Variants in SCAPER observed in about 807,000 individuals in gnomAD.
SCAPER encodes the protein S phase cyclin A-associated protein in the endoplasmic reticulum.
A neutral mutation model predicts 182.2 loss-of-function variants in SCAPER; 98 were observed. That is an observed-to-expected ratio of 0.54 (90% CI 0.46 to 0.64). The LOEUF (loss-of-function observed/expected upper bound fraction) is 0.64, where lower values mean the gene tolerates loss of function less well. Ranked by LOEUF, SCAPER falls within the 30% of genes least tolerant of loss-of-function variation. The pLI, the probability that SCAPER is intolerant of heterozygous loss-of-function variation, is 0.00. For missense variants in SCAPER, 1,432 were observed against 1,690.0 expected (o/e 0.85, Z 2.68); for synonymous variants, 605 against 564.6 (o/e 1.07, Z -1.01).
intron 27 of SCAPER, among the ~76,000 whole-genome samples, chr15:76,389,778 T>A (rs1432645518): frequency 3.7e-5 from 5 of 136,984 alleles, no homozygotes; most frequent in African/African-American, 1.4e-4. Context: ...GATGCGCCAC[T>A]GCACTCTAGC....
chr15:76,562,375 G>A (rs1368205083), intron 23 of SCAPER, among the ~76,000 whole-genome samples: 2 of 152,070 alleles, frequency 1.3e-5, no homozygotes. Context: ...AATAACAGGA[G>A]TAGATATGTT....
At chr15:76,603,009 G>T in intron 22 of SCAPER, among the ~76,000 whole-genome samples, 1 of 84,086 alleles carries the variant, frequency 1.2e-5, no homozygotes, top group African/African-American at 3.4e-5. Context: ...ATCCTCAATA[G>T]TTTTTATTTT....
At chr15:76,729,687 A>T (rs984877571) in intron 16 of SCAPER, among the ~76,000 whole-genome samples, 3 of 152,132 alleles carry the variant, frequency 2.0e-5, no homozygotes, top group African/African-American at 7.2e-5. Context: ...CTAGAAGATA[A>T]ATAATAATAT....
chr15:76,388,205 G>A (rs2043414253), intron 27 of SCAPER, among the ~76,000 whole-genome samples: 1 of 152,206 alleles, frequency 6.6e-6, no homozygotes, highest in Non-Finnish European at 1.5e-5. Context: ...AGAACTGAAG[G>A]ACACAAAGGC....
At chr15:76,498,535 C>A (rs1222303071) in intron 24 of SCAPER, 2 of 152,180 alleles carry the variant, frequency 1.3e-5, no homozygotes, top group Admixed American at 1.3e-4. Flanking sequence ...AGAATAAACA[C>A]TCTTTTAAAG....
chr15:76,800,254 T>C lies in SCAPER; in HGVS notation c.605A>G (p.Asn202Ser). 6.2e-7 allele frequency: 1 copy of C among 1,603,924 alleles called. No individual in the cohort carries two copies. The highest frequency in any genetic ancestry group is 8.5e-7 in the Non-Finnish European group (1 of 1,172,098). Residue 202 changes from asparagine to serine, a missense_variant, in exon 7 of 32, where the codon AAT (asparagine) becomes AGT (serine). Physicochemically the swap from Asn to Ser is conservative, Grantham distance 46 (BLOSUM62 1). This residue lies in a region of SCAPER where 480 missense variants were observed against 510.2 expected (regional missense o/e 0.94). Transcript: ENST00000563290. ...TTTTCTTAGTTCATCTCACCCAAAA[T>C]TTAAGCTTCGTCGAGCATTTGATGT... ...NVTSNARRSLNFGGSTGTVPA... is the reference protein window; with the variant it reads ...NVTSNARRSLSFGGSTGTVPA...
intron 26 of SCAPER, among the ~76,000 whole-genome samples, chr15:76,421,373 G>A (rs1326819294): frequency 6.6e-6 from 1 of 152,216 alleles, no homozygotes; most frequent in African/African-American, 2.4e-5. Context: ...GATGGCCAGT[G>A]ATGATGAGCA....
intron 17 of SCAPER, among the ~76,000 whole-genome samples, chr15:76,724,693 T>TACCCTTTC: frequency 6.6e-6 from 1 of 152,332 alleles, no homozygotes; most frequent in East Asian, 1.9e-4. Flanking sequence ...CCATCACTGA[T>TACCCTTTC]ACCCTTTCTT....
At chr15:76,579,986 T>C (rs2048148770) in intron 22 of SCAPER, among the ~76,000 whole-genome samples, 1 of 152,172 alleles carries the variant, frequency 6.6e-6, no homozygotes, top group Non-Finnish European at 1.5e-5. Context: ...ATTATAAATA[T>C]ATATGCACCA....
rs760356838 is a variant in SCAPER, at chr15:76,804,607, A to G, written c.420T>C (p.Tyr140=). 3.1e-6 allele frequency: 5 copies of G among 1,610,268 alleles called. No homozygotes were observed. In the Admixed American group the frequency reaches 5.0e-5, roughly 16 times the overall value. Reference sequence around the variant, plus strand: ...CAATCAATGCTTTGAAATCTCTTACATAGTTATCCAGCATCATTAGCACCT... The same window carrying G: ...CAATCAATGCTTTGAAATCTCTTACGTAGTTATCCAGCATCATTAGCACCT... ...CKEVLMMLDN[Y]VRDFKALIDW... is the part of the protein sequence containing the mutation. Residue 140 remains tyrosine, a synonymous_variant, in exon 6 of 32, where the codon TAT becomes TAC. Transcript: ENST00000563290.
At chr15:76,533,180 G>C (rs1455084428) in intron 23 of SCAPER, among the ~76,000 whole-genome samples, 4 of 152,180 alleles carry the variant, frequency 2.6e-5, no homozygotes, top group African/African-American at 4.8e-5. Flanking sequence ...GCTTTGCGGA[G>C]TGGGTATTTC....
intron 27 of SCAPER, among the ~76,000 whole-genome samples, chr15:76,394,877 A>C (rs1294421450): frequency 2.0e-5 from 3 of 152,202 alleles, no homozygotes; most frequent in African/African-American, 7.2e-5. Context: ...TTATTTTAAA[A>C]TGTACAATTA....
At chr15:76,732,470 C>T (rs2060972293) in intron 16 of SCAPER, among the ~76,000 whole-genome samples, 1 of 152,116 alleles carries the variant, frequency 6.6e-6, no homozygotes, top group Admixed American at 6.5e-5. Flanking sequence ...GACCAGAAGA[C>T]AAGAGTGAGA....
At chr15:76,350,299 A>G (rs1488072667) in intron 31 of SCAPER, 1 of 151,014 alleles carries the variant, frequency 6.6e-6, no homozygotes, top group Non-Finnish European at 1.5e-5. Context: ...TCTTTTCATG[A>G]TATTGTAATA....
chr15:76,809,271 A>C (rs1438698427), intron 5 of SCAPER, among the ~76,000 whole-genome samples: 1 of 152,216 alleles, frequency 6.6e-6, no homozygotes, highest in Non-Finnish European at 1.5e-5. Flanking sequence ...GAGCAAGATA[A>C]ACCTCCAGAA....
At chr15:76,409,483 T>C (rs2045118199) in intron 26 of SCAPER, among the ~76,000 whole-genome samples, 1 of 152,152 alleles carries the variant, frequency 6.6e-6, no homozygotes, top group Admixed American at 6.5e-5. Flanking sequence ...AAGGGATATT[T>C]AGAAACATAT....
intron 22 of SCAPER, among the ~76,000 whole-genome samples, chr15:76,619,472 T>C (rs1392723882): frequency 6.6e-6 from 1 of 152,232 alleles, no homozygotes; most frequent in Non-Finnish European, 1.5e-5. Context: ...GGAGTATGTT[T>C]AGCTTTTTAA....
chr15:76,807,519 T>A (rs1019529871), intron 5 of SCAPER, among the ~76,000 whole-genome samples: 5 of 152,082 alleles, frequency 3.3e-5, no homozygotes, highest in African/African-American at 7.2e-5. Context: ...TATTTATTTT[T>A]TTTATTTTTT....
rs540856790 is a variant in SCAPER, at chr15:76,905,300, C to A, written c.-61G>T. On this transcript the variant is annotated splice_region_variant and 5_prime_UTR_variant, in exon 1 of 32. Transcript: ENST00000563290. The stretch of plus-strand genomic sequence containing the variant: ...CGCACGCCCCTCGCGGACACTCACC[C>A]CCGACCGCCCTGCTTAGTTCGGGGC... 67 of 272,470 alleles carry A rather than the reference C, an allele frequency of 2.5e-4. No homozygotes were observed. The highest frequency in any genetic ancestry group is 1.4e-3 in the African/African-American group (62 of 43,124). 16.9% of individuals were successfully genotyped at this position (272,470 alleles called of 1,614,324 possible). A position where few individuals can be genotyped will look rare whatever the true frequency, so the allele number is the denominator to read the frequency against.
Sources: gnomAD v4.1 joint callset for allele counts (sites outside exome capture counted in the v4.1 genomes callset) on GRCh38, gnomAD v4.1.1 for gene constraint, gnomAD v4.1.1 regional missense constraint, MANE v1.5 for transcripts, NCBI Gene and HGNC (gene_info 2026-07-23, HGNC 2026-07-21) for gene names.